The following DSE variants were observed in gnomAD, a reference collection of about 807,000 sequenced individuals.
DSE encodes dermatan-sulfate epimerase.
DSE carries 36 observed loss-of-function variants against 84.4 expected under a neutral mutation model. That is an observed-to-expected ratio of 0.43 (90% CI 0.33 to 0.56). The LOEUF (loss-of-function observed/expected upper bound fraction) is 0.56. Ranked by LOEUF, DSE falls within the 20% of genes least tolerant of loss-of-function variation. DSE has a pLI of 0.06. For missense variants in DSE, 862 were observed against 1,169.6 expected (o/e 0.74, Z 3.84); for synonymous variants, 410 against 430.1 (o/e 0.95, Z 0.58).
intron 2 of DSE, among the ~76,000 whole-genome samples, chr6:116,312,635 A>G (rs1387969838): frequency 6.6e-6 from 1 of 152,218 alleles, no homozygotes; most frequent in Non-Finnish European, 1.5e-5. Flanking sequence ...ATCAGTCTGT[A>G]AATCCTTAGG....
intron 2 of DSE, among the ~76,000 whole-genome samples, chr6:116,351,492 A>G (rs927617138): frequency 6.6e-6 from 1 of 152,170 alleles, no homozygotes; most frequent in Non-Finnish European, 1.5e-5. Context: ...AGTTGATTAT[A>G]ATATATTTTT....
chr6:116,279,634 T>C, intron 2 of DSE: 1 of 1,604,602 alleles, frequency 6.2e-7, no homozygotes, highest in Non-Finnish European at 8.5e-7. Flanking sequence ...GCCCCCCTCC[T>C]CTGAAGGCGG....
intron 2 of DSE, among the ~76,000 whole-genome samples, chr6:116,292,979 A>C (rs1774387602): frequency 6.6e-6 from 1 of 152,190 alleles, no homozygotes; most frequent in Non-Finnish European, 1.5e-5. Flanking sequence ...GAGGATGGGA[A>C]GGGGACTTTA....
At chr6:116,336,784 T>C (rs535103964) in intron 2 of DSE, among the ~76,000 whole-genome samples, 9 of 151,820 alleles carry the variant, frequency 5.9e-5, no homozygotes, top group Admixed American at 3.9e-4. Flanking sequence ...TAACATCAAA[T>C]TCTATTAGTA....
intron 2 of DSE, among the ~76,000 whole-genome samples, chr6:116,295,503 A>G (rs1305340173): frequency 1.3e-5 from 2 of 152,208 alleles, no homozygotes; most frequent in Non-Finnish European, 2.9e-5. Context: ...TCCAACAACT[A>G]TACTAGCCCA....
At chr6:116,398,165 A>G (rs1386313649) in intron 1 of DSE, among the ~76,000 whole-genome samples, 1 of 152,234 alleles carries the variant, frequency 6.6e-6, no homozygotes, top group Non-Finnish European at 1.5e-5. Context: ...AAGAATTTTA[A>G]GAATTCCCTG....
intron 2 of DSE, among the ~76,000 whole-genome samples, chr6:116,417,778 G>C (rs75629795): frequency 0.033 from 5,019 of 152,156 alleles, 138 homozygotes; most frequent in Middle Eastern, 0.058. Flanking sequence ...TTCCAGAAAG[G>C]GCAAGTAGTT....
At chr6:116,377,862 T>C (rs1780017116) in intron 1 of DSE, among the ~76,000 whole-genome samples, 1 of 152,220 alleles carries the variant, frequency 6.6e-6, no homozygotes, top group African/African-American at 2.4e-5. Context: ...ATTTTTGTCA[T>C]TTTAATATAT....
intron 2 of DSE, among the ~76,000 whole-genome samples, chr6:116,307,619 G>A (rs979694800): frequency 1.1e-4 from 16 of 152,286 alleles, no homozygotes; most frequent in Admixed American, 7.8e-4. Flanking sequence ...TTAAACAATG[G>A]TAGGAATCTT....
Position 116,279,886 on chromosome 6 carries a change from C to A in DSE, c.-54+20919C>A, listed in dbSNP as rs946182426. ...ACGCCCGTTTTCCTCAGAGGCCGAA[C>A]TGGGAGCTAACCGCCGCTCGCACCG... On this transcript the variant is annotated intron_variant, in intron 2 of 3. Transcript: ENST00000430252. 24 of 1,611,918 alleles carry A rather than the reference C, an allele frequency of 1.5e-5. No individual in the cohort carries two copies. In the African/African-American group the frequency reaches 2.5e-4, roughly 17 times the overall value.
intron 1 of DSE, among the ~76,000 whole-genome samples, chr6:116,388,671 T>C (rs1780709612): frequency 6.6e-6 from 1 of 152,252 alleles, no homozygotes; most frequent in Non-Finnish European, 1.5e-5. Context: ...TAAAAAATTA[T>C]ATTTAAGTTT....
intron 2 of DSE, among the ~76,000 whole-genome samples, chr6:116,341,399 T>G (rs1033304035): frequency 3.9e-5 from 6 of 152,214 alleles, no homozygotes; most frequent in Non-Finnish European, 7.3e-5. Flanking sequence ...ATGGGTAGAT[T>G]GCAAAAATTT....
At chr6:116,333,601 T>C (rs1777078442) in intron 2 of DSE, among the ~76,000 whole-genome samples, 3 of 152,190 alleles carry the variant, frequency 2.0e-5, no homozygotes, top group African/African-American at 4.8e-5. Context: ...TATGTACATA[T>C]CTACTTTACA....
intron 1 of DSE, among the ~76,000 whole-genome samples, chr6:116,395,823 A>G (rs1781219520): frequency 6.6e-6 from 1 of 152,202 alleles, no homozygotes; most frequent in East Asian, 1.9e-4. Flanking sequence ...AGAAAACTCA[A>G]TGACTGGAAA....
At chr6:116,307,790 A>G (rs900048939) in intron 2 of DSE, among the ~76,000 whole-genome samples, 6 of 152,238 alleles carry the variant, frequency 3.9e-5, no homozygotes, top group South Asian at 2.1e-4. Context: ...AGTGTGTACA[A>G]GATAATTCCA....
chr6:116,372,756 C>G (rs1388781403), intron 1 of DSE, among the ~76,000 whole-genome samples: 1 of 152,122 alleles, frequency 6.6e-6, no homozygotes, highest in East Asian at 1.9e-4. Flanking sequence ...GTCTCCATCA[C>G]CTAGTGACCC....
intron 2 of DSE, among the ~76,000 whole-genome samples, chr6:116,262,967 G>C (rs894208054): frequency 6.6e-6 from 1 of 152,182 alleles, no homozygotes; most frequent in Non-Finnish European, 1.5e-5. Flanking sequence ...TTTTGCTGTG[G>C]TTCAAGAGAT....
In DSE at chr6:116,425,813, G is replaced by T. The variant is rs533877490; in HGVS notation, c.417-761G>T. Among the ~76,000 whole-genome samples the T allele has an allele frequency of 2.1e-3, 324 of 151,780 alleles. 2 individuals carry two copies. The highest frequency in any genetic ancestry group is 3.9e-3 in the Admixed American group (60 of 15,222). ...AATTTTTTGTATTTTTAGTAGAAAC[G>T]GGGTTTCACCGTGTTAGCCAAGATG... On this transcript the variant is annotated intron_variant, in intron 2 of 5. Transcript: ENST00000644252.
intron 2 of DSE, among the ~76,000 whole-genome samples, chr6:116,420,015 A>G (rs1450836741): frequency 6.6e-6 from 1 of 152,236 alleles, no homozygotes; most frequent in African/African-American, 2.4e-5. Flanking sequence ...GCATAGCTAC[A>G]TATGGAAAAG....
Sources: gnomAD v4.1 joint callset for allele counts (sites outside exome capture counted in the v4.1 genomes callset) on GRCh38, gnomAD v4.1.1 for gene constraint, MANE v1.5 for transcripts, NCBI Gene and HGNC (gene_info 2026-07-23, HGNC 2026-07-21) for gene names.